Variants in TRPC5 observed in about 807,000 individuals in gnomAD.
TRPC5 encodes short transient receptor potential channel 5.
Under a neutral mutation model 56.5 loss-of-function variants are expected in TRPC5, and 9 were observed. The observed-to-expected ratio is 0.16, with a 90% CI of 0.10 to 0.28. TRPC5 has a LOEUF of 0.28. Among genes scored for constraint, TRPC5 ranks in the 10% least tolerant of loss-of-function variants. The pLI is 1.00. For missense variants in TRPC5, 469 were observed against 748.9 expected, an observed-to-expected ratio of 0.63 and a Z score of 4.36; for synonymous variants, 282 against 278.5, an observed-to-expected ratio of 1.01 and a Z score of -0.13.
chrX:111,836,421 T>G (rs1258726091), intron 6 of TRPC5, among the ~76,000 whole-genome samples: 1 of 111,663 alleles, frequency 9.0e-6, no homozygotes, highest in African/African-American at 3.3e-5. Context: ...GTTCTTCGGT[T>G]CATTTTAGAG....
At chrX:111,873,497 T>C (rs991983498) in intron 3 of TRPC5, among the ~76,000 whole-genome samples, 3 of 111,303 alleles carry the variant, frequency 2.7e-5, no homozygotes, top group Non-Finnish European at 5.7e-5. Context: ...TTAATAAAAT[T>C]TGAAGCTGGG....
intron 5 of TRPC5, among the ~76,000 whole-genome samples, chrX:111,851,891 C>T (rs1031811612): frequency 1.6e-4 from 18 of 111,362 alleles, no homozygotes; most frequent in Non-Finnish European, 1.3e-4. Context: ...TAATATTAGA[C>T]GTATATAAAG....
At chrX:111,890,918 T>C (rs928788795) in intron 3 of TRPC5, among the ~76,000 whole-genome samples, 1 of 111,197 alleles carries the variant, frequency 9.0e-6, no homozygotes, top group South Asian at 3.9e-4. Context: ...CTCCTTTATG[T>C]GTCCATGTGT....
intron 3 of TRPC5, among the ~76,000 whole-genome samples, chrX:111,910,673 A>G (rs868356369): frequency 4.5e-5 from 5 of 111,597 alleles, no homozygotes; most frequent in South Asian, 3.8e-4. Context: ...CTGGGATTAC[A>G]TGCACCTGCC....
At chrX:111,846,309 T>A (rs1922925076) in intron 6 of TRPC5, among the ~76,000 whole-genome samples, 1 of 112,039 alleles carries the variant, frequency 8.9e-6, no homozygotes, top group South Asian at 3.7e-4. Context: ...TGTAGAACAC[T>A]GAGTTCAGGG....
In TRPC5 at chrX:112,082,310, C is replaced by T. The variant is rs1168518772; in HGVS notation, c.-453G>A. The T allele has an allele frequency of 2.7e-5, 3 of 110,314 alleles. No homozygotes were observed. The highest frequency in any genetic ancestry group is 5.7e-5 in the Non-Finnish European group (3 of 52,959). The allele number at this position is 110,314 out of a possible 1,213,427, so 9.1% of individuals were successfully genotyped here. ...ATAAGAGCTAGGGAAGAAACTGACA[C>T]GGGGAAACTGACAGGGGTAGCTGAC... On this transcript the variant is annotated 5_prime_UTR_variant, in exon 1 of 11. In the 5' UTR this introduces an upstream ATG that the reference lacks. Coordinates refer to ENST00000262839, the MANE Select transcript of TRPC5 (RefSeq NM_012471.3).
chrX:111,967,547 G>A (rs975899730), intron 1 of TRPC5, among the ~76,000 whole-genome samples: 60 of 111,728 alleles, frequency 5.4e-4, no homozygotes, highest in Non-Finnish European at 9.6e-4. Flanking sequence ...AAAGAACAAA[G>A]CATCACACTT....
intron 1 of TRPC5, among the ~76,000 whole-genome samples, chrX:112,001,842 A>G (rs1385198686): frequency 8.9e-6 from 1 of 112,322 alleles, no homozygotes; most frequent in Admixed American, 9.4e-5. Context: ...CTAAGCACAT[A>G]AAACAGTACT....
intron 1 of TRPC5, among the ~76,000 whole-genome samples, chrX:111,967,620 C>T (rs1395682903): frequency 3.6e-5 from 4 of 111,769 alleles, no homozygotes; most frequent in Admixed American, 9.5e-5. Flanking sequence ...GGTACCAAAA[C>T]AGAGATACAG....
intron 7 of TRPC5, among the ~76,000 whole-genome samples, chrX:111,811,055 G>A (rs770826304): frequency 1.8e-5 from 2 of 111,992 alleles, no homozygotes; most frequent in African/African-American, 6.5e-5. Flanking sequence ...AGGAGACAAA[G>A]GAATGATGTA....
At chrX:111,885,811 C>T (rs1162131265) in intron 3 of TRPC5, among the ~76,000 whole-genome samples, 1 of 111,232 alleles carries the variant, frequency 9.0e-6, no homozygotes, top group African/African-American at 3.3e-5. Flanking sequence ...AATAGGGCAT[C>T]TCCCCATAAT....
intron 2 of TRPC5, among the ~76,000 whole-genome samples, chrX:111,942,320 G>C: frequency 8.9e-6 from 1 of 112,335 alleles, no homozygotes; most frequent in Middle Eastern, 4.2e-3. Context: ...AAAATACTTA[G>C]AAAGTTGAAC....
At chrX:111,922,911 G>A (rs1300359123) in intron 2 of TRPC5, among the ~76,000 whole-genome samples, 2 of 111,917 alleles carry the variant, frequency 1.8e-5, no homozygotes, top group African/African-American at 3.2e-5. Flanking sequence ...ACTGGAGGTT[G>A]AGCACTTTCC....
Position 112,082,482 on chromosome X carries a change from G to C in TRPC5, c.-625C>G, listed in dbSNP as rs768323357. Reference sequence around the variant, plus strand: ...CTGTTAGGTAGCGGCTGGCGGGAGCGCTGGCTACCCCTCCAAAACCCTTTT... The same window carrying C: ...CTGTTAGGTAGCGGCTGGCGGGAGCCCTGGCTACCCCTCCAAAACCCTTTT... On this transcript the variant is annotated 5_prime_UTR_variant, in exon 1 of 11. Coordinates refer to ENST00000262839, the MANE Select transcript of TRPC5 (RefSeq NM_012471.3). 2 of 110,800 alleles carry C rather than the reference G, an allele frequency of 1.8e-5. No individual in the cohort carries two copies. Among genetic ancestry groups the C allele is most frequent in the Non-Finnish European group, 3.8e-5 (2 of 52,942 alleles). The allele number at this position is 110,800 out of a possible 1,213,427, so 9.1% of individuals were successfully genotyped here.
At chrX:111,893,723 C>G (rs1924922232) in intron 3 of TRPC5, among the ~76,000 whole-genome samples, 1 of 111,813 alleles carries the variant, frequency 8.9e-6, no homozygotes, top group South Asian at 3.7e-4. Flanking sequence ...CTGCACAATT[C>G]TTTCCTTTCT....
At chrX:111,867,270 A>T (rs144107389) in intron 3 of TRPC5, among the ~76,000 whole-genome samples, 1 of 112,006 alleles carries the variant, frequency 8.9e-6, no homozygotes, top group African/African-American at 3.2e-5. Context: ...TATAAAAGAA[A>T]GGACAGAATA....
At chrX:111,904,300 C>T (rs1462850080) in intron 3 of TRPC5, among the ~76,000 whole-genome samples, 4 of 112,212 alleles carry the variant, frequency 3.6e-5, no homozygotes, top group Admixed American at 9.5e-5. Flanking sequence ...TATGAAATCA[C>T]GACTTTTCAG....
chrX:111,989,661 C>G (rs1228921428), intron 1 of TRPC5, among the ~76,000 whole-genome samples: 1 of 111,857 alleles, frequency 8.9e-6, no homozygotes, highest in Non-Finnish European at 1.9e-5. Context: ...TGCAACTTCT[C>G]TATGCAGTTC....
chrX:111,818,228 A>G lies in TRPC5; in HGVS notation c.1896+16693T>C, dbSNP rs559482291. 3.2e-4 allele frequency among the ~76,000 whole-genome samples: 36 copies of G among 112,453 alleles called. No homozygotes were observed. The South Asian group carries it at 0.012, about 38-fold the overall frequency. On this transcript the variant is annotated intron_variant, in intron 7 of 10. Transcript: ENST00000262839. ...AATTATTTTTTTCCTAAACAGGAAC[A>G]TAGAGCTGGCTCATTTTCATCCATC...
Sources: allele counts gnomAD v4.1 joint callset (sites outside exome capture counted in the v4.1 genomes callset), GRCh38; gene constraint gnomAD v4.1.1; transcripts MANE v1.5; gene names NCBI Gene and HGNC (gene_info 2026-07-23, HGNC 2026-07-21).